Variants in AGBL4 observed in about 807,000 individuals in gnomAD.
AGBL4 encodes the protein cytosolic carboxypeptidase 6.
In AGBL4, 58 loss-of-function variants were observed where a neutral mutation model predicts 66.4. That is an observed-to-expected ratio of 0.87 (90% confidence interval 0.71 to 1.09). The LOEUF is 1.09. AGBL4 is among the 50% of genes least tolerant of loss of function. The pLI, the probability that AGBL4 is intolerant of heterozygous loss-of-function variation, is 0.00. For synonymous variants in AGBL4, 234 were observed against 222.9 expected (o/e 1.05, Z -0.44); for missense variants, 579 against 631.0 (o/e 0.92, Z 0.88).
chr1:49,813,634 G>T (rs1230895752), intron 2 of AGBL4, among the ~76,000 whole-genome samples: 1 of 152,110 alleles, frequency 6.6e-6, no homozygotes, highest in Non-Finnish European at 1.5e-5. Flanking sequence ...CACTGTACTA[G>T]GTGCTGGGGA....
chr1:48,664,794 C>T (rs183435705), intron 6 of AGBL4, among the ~76,000 whole-genome samples: 1 of 152,262 alleles, frequency 6.6e-6, no homozygotes, highest in East Asian at 1.9e-4. Flanking sequence ...CAGAAAGAAA[C>T]ATCTGGGGAA....
intron 6 of AGBL4, among the ~76,000 whole-genome samples, chr1:48,753,212 T>C (rs577767297): frequency 6.6e-6 from 1 of 152,356 alleles, no homozygotes; most frequent in Admixed American, 6.5e-5. Flanking sequence ...TCAGAGCCCA[T>C]TAGGGCTCTT....
intron 1 of AGBL4, among the ~76,000 whole-genome samples, chr1:49,895,735 C>T (rs1649132877): frequency 6.6e-6 from 1 of 151,366 alleles, no homozygotes; most frequent in African/African-American, 2.4e-5. Context: ...AACATACATG[C>T]AAAAGCAAGA....
intron 4 of AGBL4, among the ~76,000 whole-genome samples, chr1:49,078,266 C>A (rs1341900204): frequency 6.6e-6 from 1 of 152,168 alleles, no homozygotes; most frequent in African/African-American, 2.4e-5. Context: ...ATGCTGTAAT[C>A]CAATCCTGGG....
At chr1:49,451,329 A>G (rs1180671239) in intron 3 of AGBL4, among the ~76,000 whole-genome samples, 1 of 152,070 alleles carries the variant, frequency 6.6e-6, no homozygotes, top group African/African-American at 2.4e-5. Context: ...CTATTCAAGC[A>G]TAATTGATTT....
chr1:49,735,456 T>C (rs1182175050), intron 2 of AGBL4, among the ~76,000 whole-genome samples: 1 of 151,612 alleles, frequency 6.6e-6, no homozygotes, highest in African/African-American at 2.4e-5. Flanking sequence ...TATTCTCCCA[T>C]TGATCCTCCA....
intron 5 of AGBL4, among the ~76,000 whole-genome samples, chr1:48,935,276 T>A (rs1240228720): frequency 6.6e-6 from 1 of 152,084 alleles, no homozygotes; most frequent in Non-Finnish European, 1.5e-5. Context: ...TAAAATAACA[T>A]CCTGCCTGCC....
chr1:48,748,786 T>C (rs1296140557), intron 6 of AGBL4, among the ~76,000 whole-genome samples: 2 of 152,036 alleles, frequency 1.3e-5, no homozygotes, highest in East Asian at 1.9e-4. Flanking sequence ...GGGGCTTTGA[T>C]GGATGCGCGA....
At chr1:50,001,417 TTG>T (rs35073061) in intron 1 of AGBL4, among the ~76,000 whole-genome samples, 47,098 of 146,774 alleles carry the variant, frequency 0.32, 8,149 homozygotes, top group East Asian at 0.73. Context: ...AAAAAATAAT[TTG>T]TGTGTGTGTG....
intron 5 of AGBL4, among the ~76,000 whole-genome samples, chr1:48,971,770 C>CTTAA (rs1658924799): frequency 6.6e-6 from 1 of 152,158 alleles, no homozygotes; most frequent in South Asian, 2.1e-4. Flanking sequence ...GAATCAAATG[C>CTTAA]TTAAGTTCAG....
intron 6 of AGBL4, among the ~76,000 whole-genome samples, chr1:48,778,820 A>G (rs1645208733): frequency 6.6e-6 from 1 of 152,226 alleles, no homozygotes; most frequent in African/African-American, 2.4e-5. Flanking sequence ...AGTGCGTTAT[A>G]TAAGTGAATC....
chr1:49,456,195 T>C (rs1429153298), intron 3 of AGBL4, among the ~76,000 whole-genome samples: 1 of 151,858 alleles, frequency 6.6e-6, no homozygotes, highest in Middle Eastern at 3.4e-3. Flanking sequence ...CCAGATAGTG[T>C]TGAGTGAGTG....
chr1:49,418,378 T>C (rs1287690973), intron 3 of AGBL4, among the ~76,000 whole-genome samples: 2 of 152,180 alleles, frequency 1.3e-5, no homozygotes, highest in South Asian at 2.1e-4. Context: ...ACAAGAGCTA[T>C]GGTTATAAAA....
At chr1:49,075,354 C>T (rs1644689933) in intron 4 of AGBL4, among the ~76,000 whole-genome samples, 1 of 152,054 alleles carries the variant, frequency 6.6e-6, no homozygotes, top group Non-Finnish European at 1.5e-5. Flanking sequence ...TTTATTCCTA[C>T]AAATCAAAGT....
At position 48,533,227 on chromosome 1, in the gene AGBL4, C is replaced by T. The variant is rs1279826645; in HGVS notation, c.*946G>A. Reference sequence around the variant, plus strand: ...CCACAGACAGGAAGGGAGCAGACCCCCCTGGACCCATTCATCATACAAAGG... The same window carrying T: ...CCACAGACAGGAAGGGAGCAGACCCTCCTGGACCCATTCATCATACAAAGG... On this transcript the variant is annotated 3_prime_UTR_variant, in exon 14 of 14. Coordinates refer to ENST00000371839, the MANE Select transcript of AGBL4 (RefSeq NM_032785.4). 6.6e-6 allele frequency: 1 copy of T among 152,118 alleles called. No individual in the cohort carries two copies. The highest frequency in any genetic ancestry group is 1.5e-5 in the Non-Finnish European group (1 of 68,038). 9.4% of individuals were successfully genotyped at this position (152,118 alleles called of 1,614,324 possible). A position where few individuals can be genotyped will look rare whatever the true frequency, so the allele number is the denominator to read the frequency against.
intron 1 of AGBL4, among the ~76,000 whole-genome samples, chr1:49,936,354 C>T (rs572426312): frequency 1.4e-4 from 22 of 152,230 alleles, no homozygotes; most frequent in African/African-American, 5.1e-4. Context: ...ACCAAATCTG[C>T]GTCTGATTGG....
At chr1:50,014,992 A>T (rs1424370430) in intron 1 of AGBL4, among the ~76,000 whole-genome samples, 2 of 152,200 alleles carry the variant, frequency 1.3e-5, no homozygotes, top group African/African-American at 4.8e-5. Flanking sequence ...AGGAGAAAGG[A>T]AGAAATATAG....
chr1:49,245,481 C>T (rs1221497549), intron 4 of AGBL4, among the ~76,000 whole-genome samples: 2 of 151,442 alleles, frequency 1.3e-5, no homozygotes, highest in Non-Finnish European at 3.0e-5. Context: ...AACAGACTGC[C>T]TTTTCTCATA....
intron 7 of AGBL4, 150 bp downstream of exon 7, chr1:48,663,002 C>A: frequency 1.5e-6 from 1 of 664,858 alleles, no homozygotes; most frequent in Non-Finnish European, 2.6e-6. Flanking sequence ...GAAATAAAAC[C>A]TAATGGAGAT....
Sources: allele counts gnomAD v4.1 joint callset (sites outside exome capture counted in the v4.1 genomes callset), GRCh38; gene constraint gnomAD v4.1.1; transcripts MANE v1.5; gene names NCBI Gene and HGNC (gene_info 2026-07-23, HGNC 2026-07-21).